The following AAMDC variants were observed in gnomAD, a reference collection of about 807,000 sequenced individuals.
AAMDC encodes the protein mth938 domain-containing protein.
A neutral mutation model predicts 15.5 loss-of-function variants in AAMDC; 16 were observed. The ratio of observed to expected loss-of-function variants is 1.03; its 90% confidence interval spans 0.70 to 1.57. AAMDC has a LOEUF of 1.57. Ranked by LOEUF, AAMDC falls within the 40% of genes most tolerant of loss-of-function variation. AAMDC has a pLI of 0.00. For synonymous variants in AAMDC, 51 were observed against 51.6 expected (o/e 0.99, Z 0.05); for missense variants, 141 against 144.9 (o/e 0.97, Z 0.14).
intron 5 of AAMDC, chr11:77,883,976 A>C (rs1951890985): frequency 1.9e-6 from 3 of 1,609,290 alleles, no homozygotes; most frequent in Non-Finnish European, 2.5e-6. Context: ...GAAATGAGAA[A>C]AAGGCAGAAG....
intron 5 of AAMDC, among the ~76,000 whole-genome samples, chr11:77,892,142 C>T (rs1952300233): frequency 6.6e-6 from 1 of 152,160 alleles, no homozygotes; most frequent in Admixed American, 6.5e-5. Context: ...ATTATAGATT[C>T]ATTAATTATT....
intron 1 of AAMDC, among the ~76,000 whole-genome samples, chr11:77,823,723 G>T (rs953759468): frequency 1.3e-5 from 2 of 150,950 alleles, no homozygotes; most frequent in African/African-American, 4.9e-5. Context: ...TTACTTAACT[G>T]ACCTTAAATA....
intron 2 of AAMDC, among the ~76,000 whole-genome samples, chr11:77,844,632 G>A (rs1331400078): frequency 6.6e-6 from 1 of 152,134 alleles, no homozygotes; most frequent in Non-Finnish European, 1.5e-5. Flanking sequence ...AAAATGCTGA[G>A]ATTACAGGCA....
intron 3 of AAMDC, among the ~76,000 whole-genome samples, chr11:77,871,416 A>G (rs1175951935): frequency 6.6e-6 from 1 of 152,258 alleles, no homozygotes; most frequent in East Asian, 1.9e-4. Flanking sequence ...TGACGGTGCG[A>G]TAAACAAGAC....
At chr11:77,868,253 C>T (rs1311413629) in intron 2 of AAMDC, among the ~76,000 whole-genome samples, 1 of 151,234 alleles carries the variant, frequency 6.6e-6, no homozygotes, top group Non-Finnish European at 1.5e-5. Flanking sequence ...GACGGGGTTT[C>T]ACCGTGTTAG....
chr11:77,842,704 A>G (rs1949985522), intron 2 of AAMDC, 76 bp downstream of exon 2: 1 of 1,565,904 alleles, frequency 6.4e-7, no homozygotes, highest in Non-Finnish European at 8.7e-7. Context: ...GCAATGACTA[A>G]GTGAAAAACT....
intron 5 of AAMDC, among the ~76,000 whole-genome samples, chr11:77,892,609 G>A (rs2136398361): frequency 6.6e-6 from 1 of 152,122 alleles, no homozygotes; most frequent in East Asian, 1.9e-4. Context: ...TTGAGAAGGA[G>A]TCTCGCACTA....
chr11:77,864,593 C>T (rs599962), intron 2 of AAMDC, among the ~76,000 whole-genome samples: 60,565 of 151,928 alleles, frequency 0.4, 12,639 homozygotes, highest in African/African-American at 0.51. Flanking sequence ...AAGGTTCATA[C>T]TGGAAGCAGC....
intron 5 of AAMDC, among the ~76,000 whole-genome samples, chr11:77,898,398 G>A (rs541544536): frequency 3.9e-5 from 6 of 152,174 alleles, no homozygotes; most frequent in South Asian, 2.1e-4. Flanking sequence ...TCCTGACCTC[G>A]TGATCCACCT....
rs181180764 is a variant in AAMDC at position 77,900,271 on chromosome 11, A to T, written c.329-300A>T. ...CATGCCACCATGCCCGGCTAATTTT[A>T]TGTATTTTTAGTAGAGACAGGGTTT... On this transcript the variant is annotated intron_variant, in intron 5 of 5. Coordinates refer to the AAMDC transcript ENST00000304716. 6.1e-3 allele frequency among the ~76,000 whole-genome samples: 928 copies of T among 151,622 alleles called. 9 individuals are homozygous for T. The highest frequency in any genetic ancestry group is 0.02 in the African/African-American group (830 of 41,348).
intron 5 of AAMDC, among the ~76,000 whole-genome samples, chr11:77,895,890 G>T (rs1466630388): frequency 1.3e-5 from 2 of 152,160 alleles, no homozygotes; most frequent in African/African-American, 4.8e-5. Context: ...CCTTTGGTGT[G>T]AGGGAAGGAA....
intron 2 of AAMDC, among the ~76,000 whole-genome samples, chr11:77,852,546 T>C (rs1272829784): frequency 3.3e-5 from 5 of 152,088 alleles, no homozygotes; most frequent in African/African-American, 4.8e-5. Flanking sequence ...CCTCCAACAC[T>C]GGGGATTACA....
chr11:77,863,939 T>G (rs1268016899), intron 2 of AAMDC, among the ~76,000 whole-genome samples: 1 of 152,120 alleles, frequency 6.6e-6, no homozygotes, highest in African/African-American at 2.4e-5. Context: ...ATCCCTTTTT[T>G]TTTTGAGACA....
At chr11:77,895,529 A>G (rs1234833560) in intron 5 of AAMDC, among the ~76,000 whole-genome samples, 4 of 10,280 alleles carry the variant, frequency 3.9e-4, no homozygotes, top group East Asian at 0.013. Context: ...CTTTTCCTGA[A>G]AAAAAAAAAA....
intron 5 of AAMDC, among the ~76,000 whole-genome samples, chr11:77,898,109 T>A (rs982344322): frequency 3.9e-5 from 6 of 152,028 alleles, no homozygotes; most frequent in African/African-American, 1.5e-4. Flanking sequence ...AGCCACTGCA[T>A]CTACCCCAAA....
chr11:77,831,214 G>A (rs978593371), intron 1 of AAMDC, among the ~76,000 whole-genome samples: 18 of 152,108 alleles, frequency 1.2e-4, no homozygotes, highest in African/African-American at 3.9e-4. Context: ...GTGTTGACAA[G>A]GATATGGAGA....
intron 1 of AAMDC, among the ~76,000 whole-genome samples, chr11:77,829,206 A>G (rs78262327): frequency 7.2e-5 from 4 of 55,662 alleles, no homozygotes; most frequent in African/African-American, 2.1e-4. Flanking sequence ...TTCTCTTCAC[A>G]TGCATATGCC....
intron 2 of AAMDC, among the ~76,000 whole-genome samples, chr11:77,862,412 G>C (rs1950920515): frequency 6.6e-6 from 1 of 152,132 alleles, no homozygotes; most frequent in Admixed American, 6.5e-5. Flanking sequence ...AATTTACCTA[G>C]GTCTATTTTA....
rs1308314210 is a variant in AAMDC, at chr11:77,886,984, C to T, written c.328+9935C>T. On this transcript the variant is annotated intron_variant, in intron 5 of 5. Coordinates refer to the AAMDC transcript ENST00000304716. ...GGAAATTTATAGCACTAAATGCCCA[C>T]AAGAGAAAGCAGGAAAGATCCAAAA... 4.0e-5 allele frequency among the ~76,000 whole-genome samples: 6 copies of T among 151,492 alleles called. No homozygotes were observed. In the South Asian group the frequency reaches 1.3e-3, roughly 32 times the overall value.
Sources: allele counts gnomAD v4.1 joint callset (sites outside exome capture counted in the v4.1 genomes callset), GRCh38; gene constraint gnomAD v4.1.1; transcripts MANE v1.5; gene names NCBI Gene and HGNC (gene_info 2026-07-23, HGNC 2026-07-21).